The following PPP3CC variants were observed in gnomAD, a reference collection of about 807,000 sequenced individuals.
PPP3CC encodes the protein serine/threonine-protein phosphatase 2B catalytic subunit gamma isoform.
In PPP3CC, 35 loss-of-function variants were observed where a neutral mutation model predicts 60.3. That is an observed-to-expected ratio of 0.58 (90% CI 0.44 to 0.77). The LOEUF (loss-of-function observed/expected upper bound fraction) is 0.77, where lower values mean the gene tolerates loss of function less well. PPP3CC is among the 30% of genes least tolerant of loss of function. The probability of loss-of-function intolerance (pLI) is 0.00; values close to 1 mark genes in which losing one functional copy is unlikely to be tolerated. For synonymous variants in PPP3CC, 206 were observed against 224.3 expected (o/e 0.92, Z 0.73); for missense variants, 570 against 628.9 (o/e 0.91, Z 1.00).
In PPP3CC at chr8:22,471,043, G is replaced by A. The variant is rs117466792; in HGVS notation, c.50-3911G>A. Among the ~76,000 whole-genome samples the A allele has an allele frequency of 7.8e-3, 1,193 of 152,262 alleles. 25 individuals carry two copies. The East Asian group carries it at 0.084, about 11-fold the overall frequency. Reference sequence around the variant, plus strand: ...TTATTAACGCAGTAGTGCTTAGCATGTAGCTACCTGTGTTTAGTTTAATAT... The same window carrying A: ...TTATTAACGCAGTAGTGCTTAGCATATAGCTACCTGTGTTTAGTTTAATAT... On this transcript the variant is annotated intron_variant, in intron 1 of 13. Transcript: ENST00000240139.
chr8:22,465,852 T>A (rs1468870342), intron 1 of PPP3CC, among the ~76,000 whole-genome samples: 1 of 152,152 alleles, frequency 6.6e-6, no homozygotes, highest in Non-Finnish European at 1.5e-5. Flanking sequence ...TTTTAAAAAA[T>A]TATTCTTTAA....
At chr8:22,535,303 A>C (rs1839818585) in intron 12 of PPP3CC, among the ~76,000 whole-genome samples, 1 of 152,166 alleles carries the variant, frequency 6.6e-6, no homozygotes, top group Non-Finnish European at 1.5e-5. Context: ...GAAAAGGTTG[A>C]TGTTCGTGAG....
chr8:22,458,694 C>A (rs2132442893), intron 1 of PPP3CC, among the ~76,000 whole-genome samples: 1 of 151,212 alleles, frequency 6.6e-6, no homozygotes, highest in East Asian at 1.9e-4. Flanking sequence ...GGAAGGCTAC[C>A]TATAGAAACT....
intron 4 of PPP3CC, among the ~76,000 whole-genome samples, chr8:22,504,995 G>T (rs1838870254): frequency 6.7e-6 from 1 of 148,722 alleles, no homozygotes; most frequent in African/African-American, 2.5e-5. Flanking sequence ...AGTTTCTAAA[G>T]TAAATGAATT....
rs113465261 is a variant in PPP3CC at position 22,524,345 on chromosome 8, T to C, written c.943+1596T>C. Reference sequence around the variant, plus strand: ...GTAAACCATGGAATGGCACATCTCATTTAAATCCGATTTGGGTCAGTCATT... The same window carrying C: ...GTAAACCATGGAATGGCACATCTCACTTAAATCCGATTTGGGTCAGTCATT... On this transcript the variant is annotated intron_variant, in intron 8 of 13. Transcript: ENST00000240139. Among the ~76,000 whole-genome samples, 610 of 152,346 alleles carry C rather than the reference T, an allele frequency of 4.0e-3. 4 individuals carry two copies. Among genetic ancestry groups the C allele is most frequent in the Non-Finnish European group, 6.6e-3 (452 of 68,030 alleles).
chr8:22,468,862 A>G (rs1243868380), intron 1 of PPP3CC, among the ~76,000 whole-genome samples: 1 of 152,144 alleles, frequency 6.6e-6, no homozygotes, highest in Admixed American at 6.5e-5. Flanking sequence ...ACTCCCCACC[A>G]GTAGGTGGAA....
At chr8:22,463,779 T>G (rs1043108938) in intron 1 of PPP3CC, among the ~76,000 whole-genome samples, 5 of 151,876 alleles carry the variant, frequency 3.3e-5, no homozygotes, top group Non-Finnish European at 7.4e-5. Flanking sequence ...TGTACTCGAA[T>G]GTATGTTTTC....
intron 3 of PPP3CC, among the ~76,000 whole-genome samples, chr8:22,481,622 C>T (rs564874003): frequency 3.0e-4 from 46 of 151,546 alleles, no homozygotes; most frequent in African/African-American, 1.1e-3. Context: ...TATACATGTG[C>T]CATGGTGGTT....
intron 1 of PPP3CC, among the ~76,000 whole-genome samples, chr8:22,462,575 CTT>C (rs779444558): frequency 8.4e-5 from 12 of 142,892 alleles, no homozygotes; most frequent in Non-Finnish European, 6.2e-5. Context: ...TTTCTTTTTT[CTT>C]TTTTTTTTTT....
At chr8:22,465,942 CTCA>C (rs1324347623) in intron 1 of PPP3CC, among the ~76,000 whole-genome samples, 2 of 152,110 alleles carry the variant, frequency 1.3e-5, no homozygotes, top group African/African-American at 4.8e-5. Context: ...CACCCACCAA[CTCA>C]TCATTTACAT....
chr8:22,443,308 G>A (rs1173106838), intron 1 of PPP3CC, among the ~76,000 whole-genome samples: 1 of 152,080 alleles, frequency 6.6e-6, no homozygotes, highest in Non-Finnish European at 1.5e-5. Flanking sequence ...AGATCACTGA[G>A]GTCAGGAGTT....
At position 22,497,988 on chromosome 8, in the gene PPP3CC, A is replaced by G. The variant is rs375141522; in HGVS notation, c.373-13A>G. The stretch of plus-strand genomic sequence containing the variant: ...GTCACAAAGAAAATTTTATGCTTGA[A>G]TTTGTCTTGTAGTGTGTGCTGTATT... On this transcript the variant is annotated splice_polypyrimidine_tract_variant and intron_variant, in intron 3 of 13. Coordinates refer to ENST00000240139, the MANE Select transcript of PPP3CC (RefSeq NM_005605.5). 6.4e-7 allele frequency: 1 copy of G among 1,561,530 alleles called. No homozygotes were observed. Among genetic ancestry groups the G allele is most frequent in the Non-Finnish European group, 8.7e-7 (1 of 1,146,068 alleles).
At chr8:22,505,587 T>A (rs879460778) in intron 4 of PPP3CC, among the ~76,000 whole-genome samples, 11 of 152,208 alleles carry the variant, frequency 7.2e-5, no homozygotes, top group Non-Finnish European at 1.5e-4. Flanking sequence ...GGCAAAATTT[T>A]ACCTTTACTC....
In PPP3CC at chr8:22,539,462, C is replaced by T. The variant is rs1348635428; in HGVS notation, c.1322-7C>T. On this transcript the variant is annotated splice_polypyrimidine_tract_variant and splice_region_variant and intron_variant, in intron 12 of 13. Coordinates refer to ENST00000240139, the MANE Select transcript of PPP3CC (RefSeq NM_005605.5). Reference sequence around the variant, plus strand: ...TTTTGCATGCTACTGCTCCTGCCCTCTTACAGCCACAGTAGAAGCGGTAGA... The same window carrying T: ...TTTTGCATGCTACTGCTCCTGCCCTTTTACAGCCACAGTAGAAGCGGTAGA... 6.2e-7 allele frequency: 1 copy of T among 1,614,022 alleles called. No homozygotes were observed. Among genetic ancestry groups the T allele is most frequent in the Non-Finnish European group, 8.5e-7 (1 of 1,179,960 alleles).
chr8:22,540,757 ACATGCTGCGCACAGGAGCGAC>A lies in PPP3CC; in HGVS notation c.1497_1517del (p.His499_Asp505del). 3 of 1,613,982 alleles carry A rather than the reference ACATGCTGCGCACAGGAGCGAC, an allele frequency of 1.9e-6. No homozygotes were observed. In the South Asian group the frequency reaches 3.3e-5, roughly 18 times the overall value. On this transcript the variant is annotated inframe_deletion, in exon 14 of 14. Coordinates refer to ENST00000240139, the MANE Select transcript of PPP3CC (RefSeq NM_005605.5). Reference sequence around the variant, plus strand: ...TGAAATCTGTAACCTCAGCACACTCACATGCTGCGCACAGGAGCGACCAAGGGAAGAAAGCCCATTCATGAC... The same window carrying A: ...TGAAATCTGTAACCTCAGCACACTCACAAGGGAAGAAAGCCCATTCATGAC...
At chr8:22,448,828 T>A (rs1195078297) in intron 1 of PPP3CC, among the ~76,000 whole-genome samples, 1 of 152,276 alleles carries the variant, frequency 6.6e-6, no homozygotes, top group African/African-American at 2.4e-5. Flanking sequence ...CAAAAAAAAA[T>A]CATTTGTAGA....
intron 3 of PPP3CC, among the ~76,000 whole-genome samples, chr8:22,492,047 G>T (rs1417767480): frequency 6.6e-6 from 1 of 152,052 alleles, no homozygotes; most frequent in Non-Finnish European, 1.5e-5. Context: ...TTTTGCTGTT[G>T]TGAAATCATC....
chr8:22,530,829 CAAAAAAAAAAAAAA>C (rs58626647), intron 10 of PPP3CC, among the ~76,000 whole-genome samples: 9 of 58,034 alleles, frequency 1.6e-4, no homozygotes, highest in African/African-American at 4.7e-4. Flanking sequence ...AGACTCATCT[CAAAAAAAAAAAAAA>C]AAAAAAAAAA....
intron 3 of PPP3CC, among the ~76,000 whole-genome samples, chr8:22,481,240 C>T (rs967277391): frequency 6.6e-6 from 1 of 151,916 alleles, no homozygotes; most frequent in Admixed American, 6.6e-5. Flanking sequence ...GAGGCTGAGG[C>T]AGGAGAATCA....
Sources: allele counts gnomAD v4.1 joint callset (sites outside exome capture counted in the v4.1 genomes callset), GRCh38; gene constraint gnomAD v4.1.1; transcripts MANE v1.5; gene names NCBI Gene and HGNC (gene_info 2026-07-23, HGNC 2026-07-21).